KPNA3: variants seen among roughly 807,000 people sequenced by gnomAD.
KPNA3 encodes the protein karyopherin subunit alpha 3.
A neutral mutation model predicts 73.8 loss-of-function variants in KPNA3; 13 were observed. The observed-to-expected ratio is 0.18, with a 90% CI of 0.11 to 0.28. The LOEUF is 0.28. Ranked by LOEUF, KPNA3 falls within the 10% of genes least tolerant of loss-of-function variation. The pLI is 1.00. For synonymous variants in KPNA3, 186 were observed against 206.9 expected, an observed-to-expected ratio of 0.90 and a Z score of 0.87; for missense variants, 360 against 618.1, an observed-to-expected ratio of 0.58 and a Z score of 4.43.
At chr13:49,762,405 C>T (rs1029754411) in intron 1 of KPNA3, among the ~76,000 whole-genome samples, 4 of 152,006 alleles carry the variant, frequency 2.6e-5, no homozygotes, top group Non-Finnish European at 5.9e-5. Flanking sequence ...ATGATGATGG[C>T]GGTTTTGTGG....
intron 2 of KPNA3, among the ~76,000 whole-genome samples, chr13:49,733,279 G>A (rs536481239): frequency 8.8e-6 from 1 of 113,082 alleles, no homozygotes; most frequent in East Asian, 2.4e-4. Context: ...CACCCACTGT[G>A]GTGTTTTTTT....
At chr13:49,741,801 A>C (rs1482630453) in intron 2 of KPNA3, among the ~76,000 whole-genome samples, 1 of 152,196 alleles carries the variant, frequency 6.6e-6, no homozygotes, top group Non-Finnish European at 1.5e-5. Context: ...AGTTCATTAT[A>C]TATAACCCCT....
At chr13:49,774,855 C>T (rs949525530) in intron 1 of KPNA3, among the ~76,000 whole-genome samples, 2 of 152,076 alleles carry the variant, frequency 1.3e-5, no homozygotes, top group African/African-American at 4.8e-5. Flanking sequence ...GGAATGTGTT[C>T]TCATTATGAA....
intron 2 of KPNA3, among the ~76,000 whole-genome samples, 176 bp from the exon 3 acceptor site, chr13:49,733,222 G>A (rs1457271220): frequency 1.3e-5 from 2 of 150,588 alleles, no homozygotes; most frequent in Non-Finnish European, 2.9e-5. Context: ...TCTGGCTTCG[G>A]TAACAAAATT....
At chr13:49,723,427 G>A (rs748849751) in intron 7 of KPNA3, among the ~76,000 whole-genome samples, 4 of 151,924 alleles carry the variant, frequency 2.6e-5, no homozygotes, top group African/African-American at 7.3e-5. Flanking sequence ...AAAATTAGCC[G>A]GGCGTGGTGG....
intron 2 of KPNA3, among the ~76,000 whole-genome samples, chr13:49,737,982 T>C (rs542987342): frequency 1.9e-4 from 29 of 152,190 alleles, no homozygotes; most frequent in Non-Finnish European, 3.7e-4. Context: ...CAAATATAGC[T>C]CTTTGTCTCC....
chr13:49,733,322 C>G (rs1954488858), intron 2 of KPNA3, among the ~76,000 whole-genome samples: 1 of 122,716 alleles, frequency 8.1e-6, no homozygotes, highest in African/African-American at 3.0e-5. Flanking sequence ...GAGTCTTGCT[C>G]TGTCACCCAG....
chr13:49,778,189 C>T (rs1954912436), intron 1 of KPNA3, among the ~76,000 whole-genome samples: 1 of 152,206 alleles, frequency 6.6e-6, no homozygotes, highest in African/African-American at 2.4e-5. Flanking sequence ...AGTCTCCTTA[C>T]ATATTTGAAG....
intron 1 of KPNA3, among the ~76,000 whole-genome samples, chr13:49,785,605 A>G (rs898876173): frequency 6.6e-6 from 1 of 152,196 alleles, no homozygotes; most frequent in African/African-American, 2.4e-5. Context: ...TATGAGCAAG[A>G]AAAACAGTCT....
intron 2 of KPNA3, among the ~76,000 whole-genome samples, chr13:49,733,846 C>T (rs1483287070): frequency 6.6e-6 from 1 of 152,162 alleles, no homozygotes; most frequent in Non-Finnish European, 1.5e-5. Context: ...CAAGTCCCAG[C>T]CAAGTTACCT....
intron 6 of KPNA3, among the ~76,000 whole-genome samples, chr13:49,729,696 C>T (rs1456138143): frequency 2.6e-5 from 4 of 152,156 alleles, no homozygotes; most frequent in East Asian, 1.9e-4. Context: ...AGGAGAATGG[C>T]GTGAACCCAG....
chr13:49,766,954 C>CT lies in KPNA3; in HGVS notation c.70-19962dup, dbSNP rs11348363. Among the ~76,000 whole-genome samples, 1,224 of 132,448 alleles carry CT rather than the reference C, an allele frequency of 9.2e-3. 15 individuals are homozygous for CT. The highest frequency in any genetic ancestry group is 0.025 in the South Asian group (104 of 4,198). 86.9% of individuals were successfully genotyped at this position (132,448 alleles called of 152,430 possible). On this transcript the variant is annotated intron_variant, in intron 1 of 16. Transcript: ENST00000261667. ...TTTACAAATAACTGAAATGGGATTC[C>CT]TTTTTTTTTTTTTTTCCTCTTCACA...
chr13:49,714,673 A>C (rs1954289073), intron 10 of KPNA3, among the ~76,000 whole-genome samples: 1 of 152,176 alleles, frequency 6.6e-6, no homozygotes, highest in South Asian at 2.1e-4. Flanking sequence ...GAGTACAGAA[A>C]ATGAAGGAAG....
intron 1 of KPNA3, among the ~76,000 whole-genome samples, chr13:49,784,621 A>G (rs1269335604): frequency 6.6e-6 from 1 of 152,190 alleles, no homozygotes; most frequent in Non-Finnish European, 1.5e-5. Flanking sequence ...TTCATTCACT[A>G]TGTATATACC....
At chr13:49,739,188 C>A (rs1028422155) in intron 2 of KPNA3, among the ~76,000 whole-genome samples, 1 of 152,168 alleles carries the variant, frequency 6.6e-6, no homozygotes, top group East Asian at 1.9e-4. Flanking sequence ...GGATCTTAAA[C>A]TTGCCTCACC....
chr13:49,711,986 G>T (rs960837933), intron 10 of KPNA3, among the ~76,000 whole-genome samples: 4 of 152,146 alleles, frequency 2.6e-5, no homozygotes, highest in Non-Finnish European at 5.9e-5. Context: ...TGGACCTCTT[G>T]CCTCAAGACT....
rs149947266 is a variant in KPNA3 at position 49,700,571 on chromosome 13, C to T, written c.*1229G>A. ...TAAATAACTGCAAATTACTCCTCTACACAGATCCCTGTCTGAATCTTTTAA... is the reference window on the plus strand; with the variant it reads ...TAAATAACTGCAAATTACTCCTCTATACAGATCCCTGTCTGAATCTTTTAA... On this transcript the variant is annotated 3_prime_UTR_variant, in exon 17 of 17. Coordinates refer to ENST00000261667, the MANE Select transcript of KPNA3 (RefSeq NM_002267.4). 1.3e-5 allele frequency: 2 copies of T among 152,762 alleles called. No individual in the cohort carries two copies. Among genetic ancestry groups the T allele is most frequent in the African/African-American group, 4.8e-5 (2 of 41,582 alleles). 9.5% of individuals were successfully genotyped at this position (152,762 alleles called of 1,614,324 possible). A position where few individuals can be genotyped will look rare whatever the true frequency, so the allele number is the denominator to read the frequency against.
chr13:49,725,161 C>T (rs146410894), intron 7 of KPNA3, among the ~76,000 whole-genome samples: 40 of 152,170 alleles, frequency 2.6e-4, no homozygotes, highest in African/African-American at 9.2e-4. Flanking sequence ...ATATCAGAAA[C>T]GGAATTTAAA....
At chr13:49,723,169 A>G (rs1022654231) in intron 7 of KPNA3, among the ~76,000 whole-genome samples, 7 of 152,116 alleles carry the variant, frequency 4.6e-5, no homozygotes, top group Non-Finnish European at 1.5e-5. Context: ...TTACGGAGAT[A>G]TAATTACAAT....
Sources: allele counts gnomAD v4.1 joint callset (sites outside exome capture counted in the v4.1 genomes callset), GRCh38; gene constraint gnomAD v4.1.1; transcripts MANE v1.5; gene names NCBI Gene and HGNC (gene_info 2026-07-23, HGNC 2026-07-21).